CPA6: variants seen among roughly 807,000 people sequenced by gnomAD.
CPA6 encodes the protein carboxypeptidase B.
A neutral mutation model predicts 63.3 loss-of-function variants in CPA6; 58 were observed. That is an observed-to-expected ratio of 0.92 (90% CI 0.74 to 1.14). The LOEUF (loss-of-function observed/expected upper bound fraction) is 1.14, where lower values mean the gene tolerates loss of function less well. CPA6 is among the 50% of genes most tolerant of loss of function. The probability of loss-of-function intolerance (pLI) is 0.00; values close to 1 mark genes in which losing one functional copy is unlikely to be tolerated. For synonymous variants in CPA6, 185 were observed against 179.0 expected (o/e 1.03, Z -0.27); for missense variants, 565 against 526.6 (o/e 1.07, Z -0.71).
intron 2 of CPA6, among the ~76,000 whole-genome samples, chr8:67,606,913 C>T (rs1814652180): frequency 6.6e-6 from 1 of 152,188 alleles, no homozygotes; most frequent in Non-Finnish European, 1.5e-5. Flanking sequence ...GTATAATGCT[C>T]TATCTTGCAA....
At chr8:67,579,207 TCAACACCAGCCTGGC>T (rs1813703151) in intron 2 of CPA6, among the ~76,000 whole-genome samples, 2 of 152,236 alleles carry the variant, frequency 1.3e-5, no homozygotes. Context: ...GGTCAGGAGT[TCAACACCAGCCTGGC>T]CAACATGGCC....
chr8:67,630,233 G>A (rs1263408181), intron 1 of CPA6, among the ~76,000 whole-genome samples: 3 of 152,020 alleles, frequency 2.0e-5, no homozygotes, highest in Admixed American at 6.5e-5. Flanking sequence ...AGGACACAAA[G>A]TGGAAACTGA....
intron 1 of CPA6, among the ~76,000 whole-genome samples, chr8:67,650,138 C>G (rs1194616249): frequency 1.3e-5 from 2 of 152,040 alleles, no homozygotes; most frequent in Admixed American, 6.6e-5. Flanking sequence ...ATTGAACTTA[C>G]TTTTCTTTTT....
chr8:67,561,184 T>C (rs1404517785), intron 2 of CPA6, among the ~76,000 whole-genome samples: 1 of 152,180 alleles, frequency 6.6e-6, no homozygotes, highest in African/African-American at 2.4e-5. Context: ...CTTGGTGATT[T>C]GAAGCTCTCC....
chr8:67,580,148 A>G (rs960983088), intron 2 of CPA6, among the ~76,000 whole-genome samples: 1 of 152,206 alleles, frequency 6.6e-6, no homozygotes, highest in Non-Finnish European at 1.5e-5. Flanking sequence ...CTTTTGGTGT[A>G]AAAACAGAGA....
At chr8:67,562,985 T>C (rs1043674030) in intron 2 of CPA6, among the ~76,000 whole-genome samples, 3 of 152,180 alleles carry the variant, frequency 2.0e-5, no homozygotes, top group Non-Finnish European at 4.4e-5. Context: ...GTATACGTTT[T>C]GTCTCCCCCA....
chr8:67,451,454 A>G (rs988494693), intron 8 of CPA6, among the ~76,000 whole-genome samples: 2 of 152,202 alleles, frequency 1.3e-5, no homozygotes, highest in African/African-American at 2.4e-5. Flanking sequence ...GTCTAGTTTC[A>G]GGAAACAAGC....
intron 1 of CPA6, among the ~76,000 whole-genome samples, chr8:67,669,355 C>T (rs1242890121): frequency 6.6e-6 from 1 of 152,116 alleles, no homozygotes; most frequent in African/African-American, 2.4e-5. Context: ...AGTTTCTTTC[C>T]CTGTGGACTG....
At chr8:67,552,023 C>G (rs1467159454) in intron 2 of CPA6, among the ~76,000 whole-genome samples, 1 of 152,176 alleles carries the variant, frequency 6.6e-6, no homozygotes, top group Non-Finnish European at 1.5e-5. Context: ...CAGACTTTTT[C>G]TCCTTTTTAT....
Position 67,476,638 on chromosome 8 carries a change from T to G in CPA6, c.838+7130A>C, listed in dbSNP as rs145237156. 3.2e-4 allele frequency among the ~76,000 whole-genome samples: 49 copies of G among 152,196 alleles called. No individual in the cohort carries two copies. In the East Asian group the frequency reaches 9.1e-3, roughly 28 times the overall value. On this transcript the variant is annotated intron_variant, in intron 8 of 10. Coordinates refer to ENST00000297770, the MANE Select transcript of CPA6 (RefSeq NM_020361.5). Reference sequence around the variant, plus strand: ...GATACCTAAACTGCTCTTCTGCAGTTACACATTGTTTAACTCTTCAACCAA... The same window carrying G: ...GATACCTAAACTGCTCTTCTGCAGTGACACATTGTTTAACTCTTCAACCAA...
At chr8:67,718,777 G>A (rs1030020509) in intron 1 of CPA6, among the ~76,000 whole-genome samples, 16 of 151,918 alleles carry the variant, frequency 1.1e-4, no homozygotes, top group Admixed American at 2.0e-4. Context: ...CTCCTGAGTA[G>A]CTGGGATTAC....
intron 2 of CPA6, among the ~76,000 whole-genome samples, chr8:67,534,345 G>A (rs921118703): frequency 2.0e-5 from 3 of 152,184 alleles, no homozygotes; most frequent in Non-Finnish European, 4.4e-5. Flanking sequence ...AGAGCTCAGA[G>A]AAGGGATCAA....
chr8:67,462,204 A>G (rs1209467088), intron 8 of CPA6, among the ~76,000 whole-genome samples: 1 of 150,494 alleles, frequency 6.6e-6, no homozygotes, highest in African/African-American at 2.5e-5. Context: ...GCAAAAAGCC[A>G]GTTTTATTAT....
intron 6 of CPA6, among the ~76,000 whole-genome samples, chr8:67,485,878 T>G (rs1283251847): frequency 1.3e-5 from 2 of 152,248 alleles, no homozygotes; most frequent in African/African-American, 2.4e-5. Context: ...TAATGCACTC[T>G]GGTCTATAAC....
chr8:67,425,525 C>T (rs1809863384), intron 10 of CPA6, among the ~76,000 whole-genome samples: 1 of 152,126 alleles, frequency 6.6e-6, no homozygotes, highest in South Asian at 2.1e-4. Flanking sequence ...CAGGCGCACA[C>T]CGCCATGCCC....
At chr8:67,550,454 C>A (rs1179830196) in intron 2 of CPA6, among the ~76,000 whole-genome samples, 2 of 152,094 alleles carry the variant, frequency 1.3e-5, no homozygotes, top group Non-Finnish European at 2.9e-5. Flanking sequence ...TGACGGGCAT[C>A]TATGTTGATT....
At chr8:67,634,293 C>T (rs1313397571) in intron 1 of CPA6, among the ~76,000 whole-genome samples, 1 of 149,870 alleles carries the variant, frequency 6.7e-6, no homozygotes, top group African/African-American at 2.5e-5. Context: ...TATCTCGGCT[C>T]ACTACAAGCT....
intron 8 of CPA6, among the ~76,000 whole-genome samples, chr8:67,441,085 GA>G (rs1810284748): frequency 6.6e-6 from 1 of 152,118 alleles, no homozygotes; most frequent in South Asian, 2.1e-4. Flanking sequence ...TCCTATTGTG[GA>G]AAAACTAGAT....
chr8:67,483,591 A>T, intron 8 of CPA6, 177 bp downstream of exon 8: 1 of 609,472 alleles, frequency 1.6e-6, no homozygotes, highest in Non-Finnish European at 3.0e-6. Flanking sequence ...TTAAAAAAGA[A>T]TCCTTTCATT....
Sources: gnomAD v4.1 joint callset for allele counts (sites outside exome capture counted in the v4.1 genomes callset) on GRCh38, gnomAD v4.1.1 for gene constraint, MANE v1.5 for transcripts, NCBI Gene and HGNC (gene_info 2026-07-23, HGNC 2026-07-21) for gene names.